The following ARHGAP18 variants were observed in gnomAD, a reference collection of about 807,000 sequenced individuals.
ARHGAP18 encodes the protein rho GTPase-activating protein 18.
Under a neutral mutation model 86.2 loss-of-function variants are expected in ARHGAP18, and 67 were observed. That is an observed-to-expected ratio of 0.78 (90% confidence interval 0.64 to 0.95). The LOEUF (loss-of-function observed/expected upper bound fraction) is 0.95, where lower values mean the gene tolerates loss of function less well. ARHGAP18 is among the 40% of genes least tolerant of loss of function. The probability of loss-of-function intolerance (pLI) is 0.00; values close to 1 mark genes in which losing one functional copy is unlikely to be tolerated. For missense variants in ARHGAP18, 691 were observed against 780.4 expected (o/e 0.89, Z 1.37); for synonymous variants, 283 against 280.4 (o/e 1.01, Z -0.09).
At chr6:129,695,308 T>C (rs970646362) in intron 1 of ARHGAP18, among the ~76,000 whole-genome samples, 2 of 152,200 alleles carry the variant, frequency 1.3e-5, no homozygotes, top group African/African-American at 4.8e-5. Flanking sequence ...GCAGTAAACT[T>C]TGTTTACACC....
chr6:129,702,204 C>T (rs1344227552), intron 1 of ARHGAP18, among the ~76,000 whole-genome samples: 6 of 152,178 alleles, frequency 3.9e-5, no homozygotes. Flanking sequence ...TAACTGGTCA[C>T]ACGGGTCTCC....
intron 3 of ARHGAP18, among the ~76,000 whole-genome samples, chr6:129,636,620 T>C (rs938725545): frequency 6.6e-6 from 1 of 152,098 alleles, no homozygotes; most frequent in Non-Finnish European, 1.5e-5. Flanking sequence ...CTCACACCTG[T>C]AATCCCAGCA....
intron 1 of ARHGAP18, among the ~76,000 whole-genome samples, chr6:129,663,703 T>C (rs944191373): frequency 6.6e-6 from 1 of 152,226 alleles, no homozygotes; most frequent in Non-Finnish European, 1.5e-5. Flanking sequence ...AAATACTCTT[T>C]TATTGTTAAT....
At chr6:129,611,364 C>T (rs1354199136) in intron 8 of ARHGAP18, among the ~76,000 whole-genome samples, 169 bp downstream of exon 8, 1 of 152,056 alleles carries the variant, frequency 6.6e-6, no homozygotes, top group Admixed American at 6.5e-5. Flanking sequence ...TTAGCAAAAA[C>T]CAGAAGGGAC....
intron 8 of ARHGAP18, among the ~76,000 whole-genome samples, chr6:129,608,509 C>T (rs1333323588): frequency 6.6e-6 from 1 of 151,990 alleles, no homozygotes; most frequent in African/African-American, 2.4e-5. Flanking sequence ...AGAAGGCTAC[C>T]TCTGATTAGT....
Position 129,663,283 on chromosome 6 carries a change from G to A in ARHGAP18, c.114-21265C>T, listed in dbSNP as rs540663613. On this transcript the variant is annotated intron_variant, in intron 1 of 14. Coordinates refer to ENST00000368149, the MANE Select transcript of ARHGAP18 (RefSeq NM_033515.3). ...TCACAGCTGACTCATCTGAAGAAGA[G>A]CAGCAAATACACTGTGATTATCAAT... is the stretch of plus-strand genomic sequence containing the variant. Among the ~76,000 whole-genome samples, 569 of 152,310 alleles carry A rather than the reference G, an allele frequency of 3.7e-3. 4 individuals carry two copies. Among genetic ancestry groups the A allele is most frequent in the Non-Finnish European group, 4.0e-3 (270 of 68,016 alleles).
At chr6:129,603,547 C>G (rs1788792583) in intron 10 of ARHGAP18, among the ~76,000 whole-genome samples, 1 of 152,146 alleles carries the variant, frequency 6.6e-6, no homozygotes, top group South Asian at 2.1e-4. Flanking sequence ...GATGTTACAT[C>G]TTTACATACC....
At position 129,600,801 on chromosome 6, in the gene ARHGAP18, A is replaced by AT; in HGVS notation, c.1412dup (p.Asn471LysfsTer2). The AT allele has an allele frequency of 6.2e-7, 1 of 1,613,314 alleles. No homozygotes were observed. On this transcript the variant is annotated frameshift_variant, in exon 11 of 15. Transcript: ENST00000368149. LOFTEE classifies it high-confidence loss of function. ...TTGCTACATTCATGACTGTCATTTT[A>AT]TTTTTTTCTTTATTATCTATTACTC...
At chr6:129,659,902 G>T (rs1584097127) in intron 1 of ARHGAP18, among the ~76,000 whole-genome samples, 1 of 152,288 alleles carries the variant, frequency 6.6e-6, no homozygotes, top group Non-Finnish European at 1.5e-5. Context: ...GGTTGAGTAG[G>T]AGTCTACCAG....
chr6:129,632,471 A>G (rs1216573423), intron 4 of ARHGAP18, among the ~76,000 whole-genome samples: 2 of 152,094 alleles, frequency 1.3e-5, no homozygotes, highest in African/African-American at 4.8e-5. Flanking sequence ...GAAAAGGACA[A>G]TGTTTTCCTC....
In ARHGAP18 at chr6:129,616,236, C is replaced by T. The variant is rs1379041995; in HGVS notation, c.1020G>A (p.Met340Ile). Residue 340 changes from methionine (M) to isoleucine (I), a missense_variant, in exon 7 of 15, where the codon ATG becomes ATA. Transcript: ENST00000368149. Reference protein sequence around the residue: ...LEQDQRKVPGMRIPLIFQKLI... With the variant: ...LEQDQRKVPGIRIPLIFQKLI... ...CTTTTTGAAAGATCAAGGGTATTCG[C>T]ATTCCTGGTACTTTCCTCTGATCTT... 1.2e-6 allele frequency: 2 copies of T among 1,611,438 alleles called. No individual in the cohort carries two copies. Among genetic ancestry groups the T allele is most frequent in the African/African-American group, 2.7e-5 (2 of 74,898 alleles).
rs1789067999 is a variant in ARHGAP18 at position 129,615,117 on chromosome 6, C to G, written c.1044+1095G>C. 2.0e-5 allele frequency among the ~76,000 whole-genome samples: 3 copies of G among 152,288 alleles called. No individual in the cohort carries two copies. The South Asian group carries it at 6.2e-4, about 32-fold the overall frequency. On this transcript the variant is annotated intron_variant, in intron 7 of 14. Coordinates refer to ENST00000368149, the MANE Select transcript of ARHGAP18 (RefSeq NM_033515.3). ...TTTCTCTGGAGAACTTTGACTAATA[C>G]CCCAGGAAAGGATGCTGCTGAGATC...
intron 5 of ARHGAP18, among the ~76,000 whole-genome samples, chr6:129,623,502 G>T (rs1789275278): frequency 6.6e-6 from 1 of 152,132 alleles, no homozygotes; most frequent in African/African-American, 2.4e-5. Flanking sequence ...ATTGACAAAG[G>T]TTGCTCGATG....
chr6:129,647,440 TC>T (rs1773603847), intron 1 of ARHGAP18, among the ~76,000 whole-genome samples: 4 of 152,206 alleles, frequency 2.6e-5, no homozygotes. Flanking sequence ...TTCTGACCCT[TC>T]GAGGCATTTT....
chr6:129,610,371 C>G (rs1029078395), intron 8 of ARHGAP18, among the ~76,000 whole-genome samples: 1 of 152,122 alleles, frequency 6.6e-6, no homozygotes. Flanking sequence ...CAGGAGGACA[C>G]GTGGTACCCT....
intron 2 of ARHGAP18, among the ~76,000 whole-genome samples, chr6:129,640,075 T>TCAGC (rs1773422725): frequency 7.3e-6 from 1 of 137,398 alleles, no homozygotes; most frequent in African/African-American, 2.8e-5. Context: ...CAAACAAAAG[T>TCAGC]CAGCCATTAT....
At chr6:129,581,819 A>C (rs1041301581) in intron 13 of ARHGAP18, among the ~76,000 whole-genome samples, 1 of 152,200 alleles carries the variant, frequency 6.6e-6, no homozygotes, top group Non-Finnish European at 1.5e-5. Context: ...CAAATGGAAG[A>C]AGCACAGGAA....
chr6:129,592,173 G>C (rs1460837122), intron 12 of ARHGAP18, among the ~76,000 whole-genome samples: 1 of 152,066 alleles, frequency 6.6e-6, no homozygotes, highest in Non-Finnish European at 1.5e-5. Context: ...AAGATTTTGT[G>C]CTTGATATTG....
At chr6:129,584,503 T>C (rs72980660) in intron 12 of ARHGAP18, among the ~76,000 whole-genome samples, 1 of 152,210 alleles carries the variant, frequency 6.6e-6, no homozygotes. Context: ...AAAATCTTCC[T>C]GGACATTCAC....
Sources: allele counts gnomAD v4.1 joint callset (sites outside exome capture counted in the v4.1 genomes callset), GRCh38; gene constraint gnomAD v4.1.1; transcripts MANE v1.5; gene names NCBI Gene and HGNC (gene_info 2026-07-23, HGNC 2026-07-21).